ANGPT2: variants seen among roughly 807,000 people sequenced by gnomAD.
ANGPT2 encodes the protein angiopoietin 2.
In ANGPT2, 28 loss-of-function variants were observed where a neutral mutation model predicts 62.9. That is an observed-to-expected ratio of 0.44 (90% CI 0.33 to 0.61). The LOEUF is 0.61. Ranked by LOEUF, ANGPT2 falls within the 20% of genes least tolerant of loss-of-function variation. The pLI, the probability that ANGPT2 is intolerant of heterozygous loss-of-function variation, is 0.03. For synonymous variants in ANGPT2, 284 were observed against 207.8 expected, an observed-to-expected ratio of 1.37 and a Z score of -3.15; for missense variants, 727 against 594.9, an observed-to-expected ratio of 1.22 and a Z score of -2.31.
At chr8:6,528,578 C>T (rs1818823470) in intron 2 of ANGPT2, among the ~76,000 whole-genome samples, 1 of 152,226 alleles carries the variant, frequency 6.6e-6, no homozygotes, top group South Asian at 2.1e-4. Context: ...GAAGCGGAGC[C>T]TCAGCCTTGC....
intron 1 of ANGPT2, among the ~76,000 whole-genome samples, chr8:6,553,992 G>C (rs7004238): frequency 0.11 from 16,103 of 151,812 alleles, 2,293 homozygotes; most frequent in African/African-American, 0.33. Context: ...TAGTGACATA[G>C]AGAGACGAGC....
At chr8:6,544,756 T>C (rs1191874713) in intron 1 of ANGPT2, among the ~76,000 whole-genome samples, 1 of 152,076 alleles carries the variant, frequency 6.6e-6, no homozygotes, top group Non-Finnish European at 1.5e-5. Flanking sequence ...GCATTTAGAG[T>C]TACACTTTGC....
At chr8:6,529,158 G>C (rs1356541081) in intron 2 of ANGPT2, among the ~76,000 whole-genome samples, 1 of 152,186 alleles carries the variant, frequency 6.6e-6, no homozygotes, top group Non-Finnish European at 1.5e-5. Context: ...TTTCTGGAGA[G>C]CATCAAACCG....
chr8:6,534,748 G>A (rs2515483), intron 1 of ANGPT2, among the ~76,000 whole-genome samples: 4 of 152,150 alleles, frequency 2.6e-5, no homozygotes, highest in African/African-American at 7.2e-5. Flanking sequence ...CTTACTAACC[G>A]TTTCTCAGAG....
intron 7 of ANGPT2, among the ~76,000 whole-genome samples, chr8:6,511,870 A>T (rs1815187916): frequency 6.6e-6 from 1 of 151,802 alleles, no homozygotes; most frequent in South Asian, 2.1e-4. Context: ...CTTTTTATAC[A>T]AACAGCCTAA....
In ANGPT2 at chr8:6,503,018, C is replaced by T. The variant is rs1411191785; in HGVS notation, c.*83G>A. The T allele has an allele frequency of 1.3e-6, 2 of 1,518,346 alleles. No individual in the cohort carries two copies. The highest frequency in any genetic ancestry group is 1.4e-5 in the African/African-American group (1 of 73,230). 94.1% of individuals were successfully genotyped at this position (1,518,346 alleles called of 1,614,324 possible). A position where few individuals can be genotyped will look rare whatever the true frequency, so the allele number is the denominator to read the frequency against. On this transcript the variant is annotated 3_prime_UTR_variant, in exon 9 of 9. Coordinates refer to ENST00000629816, the MANE Select transcript of ANGPT2 (RefSeq NM_001118887.2). ...ACGCCCTCTGTGGTGGAAGAGGACA[C>T]AGTGCGCAGCCGTGACTTTCAGTGC...
chr8:6,536,266 C>T (rs1820475875), intron 1 of ANGPT2, among the ~76,000 whole-genome samples: 1 of 152,128 alleles, frequency 6.6e-6, no homozygotes, highest in Admixed American at 6.6e-5. Flanking sequence ...CCGGCACTGC[C>T]TGTGCTGTAT....
At chr8:6,520,088 T>A in intron 4 of ANGPT2, 97 bp from the exon 5 acceptor site, 4 of 1,425,436 alleles carry the variant, frequency 2.8e-6, no homozygotes, top group Non-Finnish European at 3.8e-6. Context: ...TTTATTACTT[T>A]GGAATTCTTA....
intron 7 of ANGPT2, among the ~76,000 whole-genome samples, chr8:6,509,854 C>T (rs771679141): frequency 9.2e-5 from 14 of 152,158 alleles, no homozygotes; most frequent in Non-Finnish European, 1.5e-4. Flanking sequence ...ACACGGTGCA[C>T]GCAGTGTCTG....
At chr8:6,527,446 C>G in intron 3 of ANGPT2, 109 bp downstream of exon 3, 5 of 1,382,724 alleles carry the variant, frequency 3.6e-6, no homozygotes, top group Non-Finnish European at 4.9e-6. Context: ...CTGACCCTTA[C>G]ACTAGACATG....
chr8:6,510,731 A>C (rs1814889515), intron 7 of ANGPT2, among the ~76,000 whole-genome samples: 1 of 152,122 alleles, frequency 6.6e-6, no homozygotes, highest in African/African-American at 2.4e-5. Flanking sequence ...ACCTAAACAG[A>C]GATGTTTGTT....
At chr8:6,552,946 G>T (rs1274566988) in intron 1 of ANGPT2, among the ~76,000 whole-genome samples, 2 of 152,166 alleles carry the variant, frequency 1.3e-5, no homozygotes, top group African/African-American at 4.8e-5. Context: ...GGTTTGCCAG[G>T]GGTTAAGGGG....
chr8:6,541,199 G>C lies in ANGPT2; in HGVS notation c.289-8712C>G, dbSNP rs1563094299. Among the ~76,000 whole-genome samples the C allele has an allele frequency of 2.0e-5, 3 of 152,328 alleles. No individual in the cohort carries two copies. The South Asian group carries it at 6.2e-4, about 32-fold the overall frequency. On this transcript the variant is annotated intron_variant, in intron 1 of 8. Transcript: ENST00000629816. ...AGCAGCACAAGAGGGTGAATTCTGA[G>C]CAGCACCAGAGGGTTTCCCTGACAC...
At position 6,555,818 on chromosome 8, in the gene ANGPT2, A is replaced by G. The variant is rs577366676; in HGVS notation, c.288+6829T>C. 1.2e-4 allele frequency among the ~76,000 whole-genome samples: 19 copies of G among 152,298 alleles called. No individual in the cohort carries two copies. The East Asian group carries it at 1.7e-3, about 14-fold the overall frequency. ...TTAAATAGTTGTACCAATTATACCA[A>G]TTGCACCAATTCTATTACAAGGTGG... On this transcript the variant is annotated intron_variant, in intron 1 of 8. Coordinates refer to ENST00000629816, the MANE Select transcript of ANGPT2 (RefSeq NM_001118887.2).
At chr8:6,561,595 CTT>C (rs1175538094) in intron 1 of ANGPT2, among the ~76,000 whole-genome samples, 3 of 152,206 alleles carry the variant, frequency 2.0e-5, no homozygotes, top group African/African-American at 7.2e-5. Context: ...TTTTAAAAGA[CTT>C]TACATAGCTT....
At chr8:6,552,691 T>C (rs1823865520) in intron 1 of ANGPT2, among the ~76,000 whole-genome samples, 1 of 152,188 alleles carries the variant, frequency 6.6e-6, no homozygotes, top group South Asian at 2.1e-4. Context: ...AAACACATAA[T>C]AACCCTACAA....
At chr8:6,508,114 G>A (rs1019361874) in intron 8 of ANGPT2, 1 of 152,166 alleles carries the variant, frequency 6.6e-6, no homozygotes, top group South Asian at 2.1e-4. Flanking sequence ...TAACTCATTT[G>A]TGTTTATAGG....
intron 8 of ANGPT2, among the ~76,000 whole-genome samples, chr8:6,504,177 G>A (rs1205555521): frequency 1.3e-5 from 2 of 151,882 alleles, no homozygotes; most frequent in African/African-American, 4.8e-5. Context: ...AATTAGCCGG[G>A]CGTGGTGGCG....
At chr8:6,529,101 T>G (rs1422058208) in intron 2 of ANGPT2, among the ~76,000 whole-genome samples, 4 of 152,218 alleles carry the variant, frequency 2.6e-5, no homozygotes, top group African/African-American at 9.6e-5. Flanking sequence ...GGATGGCATA[T>G]AAGTCATGAT....
Sources: gnomAD v4.1 joint callset for allele counts (sites outside exome capture counted in the v4.1 genomes callset) on GRCh38, gnomAD v4.1.1 for gene constraint, MANE v1.5 for transcripts, NCBI Gene and HGNC (gene_info 2026-07-23, HGNC 2026-07-21) for gene names.